ARHGAP42: variants seen among roughly 807,000 people sequenced by gnomAD.
ARHGAP42 encodes the protein Rho GTPase activating protein 42.
A neutral mutation model predicts 125.0 loss-of-function variants in ARHGAP42; 63 were observed. That is an observed-to-expected ratio of 0.50 (90% CI 0.41 to 0.62). ARHGAP42 has a LOEUF of 0.62. ARHGAP42 is among the 20% of genes least tolerant of loss of function. The probability of loss-of-function intolerance (pLI) is 0.00; values close to 1 mark genes in which losing one functional copy is unlikely to be tolerated. For missense variants in ARHGAP42, 766 were observed against 1,024.2 expected (o/e 0.75, Z 3.44); for synonymous variants, 339 against 351.0 (o/e 0.97, Z 0.38).
chr11:100,896,778 A>G (rs948645687), intron 4 of ARHGAP42, among the ~76,000 whole-genome samples: 1 of 152,032 alleles, frequency 6.6e-6, no homozygotes, highest in Non-Finnish European at 1.5e-5. Flanking sequence ...ATTTTCTTTC[A>G]TTCTGTAGGT....
chr11:100,876,033 T>A (rs1012077586), intron 4 of ARHGAP42, among the ~76,000 whole-genome samples: 13 of 152,018 alleles, frequency 8.6e-5, no homozygotes, highest in African/African-American at 1.2e-4. Flanking sequence ...ATAAAAAAAA[T>A]TTGCTCACCA....
chr11:100,801,612 G>A (rs932916280), intron 3 of ARHGAP42, among the ~76,000 whole-genome samples: 1 of 151,832 alleles, frequency 6.6e-6, no homozygotes, highest in Non-Finnish European at 1.5e-5. Flanking sequence ...GTTTTGTTTT[G>A]TTGTTTTTGT....
rs1284153052 is a variant in ARHGAP42 at position 100,943,837 on chromosome 11, C to T, written c.1012C>T (p.Arg338Ter). ...ACGAAAGACAGATTCAATTGACAAACGATTCTGCTTTGACATAGAAGTAGT... is the reference window on the plus strand; with the variant it reads ...ACGAAAGACAGATTCAATTGACAAATGATTCTGCTTTGACATAGAAGTAGT... Reference protein sequence around the residue: ...IRRKTDSIDKRFCFDIEVVER... With the variant: ...IRRKTDSIDK The change falls in exon 10 of 24, where the codon CGA (arginine) becomes TGA (stop). Residue 338 changes from arginine (R) to a stop codon, truncating the protein, a stop_gained. Coordinates refer to ENST00000298815, the MANE Select transcript of ARHGAP42 (RefSeq NM_152432.4). LOFTEE classifies it high-confidence loss of function. 1.9e-6 allele frequency: 3 copies of T among 1,548,908 alleles called. No homozygotes were observed. The highest frequency in any genetic ancestry group is 2.7e-5 in the African/African-American group (2 of 72,920).
At chr11:100,918,855 C>A (rs1591294590) in intron 5 of ARHGAP42, among the ~76,000 whole-genome samples, 1 of 152,114 alleles carries the variant, frequency 6.6e-6, no homozygotes, top group East Asian at 1.9e-4. Flanking sequence ...GCTTCTCATT[C>A]CCCTTTTTGG....
intron 3 of ARHGAP42, among the ~76,000 whole-genome samples, chr11:100,808,627 G>C (rs976931465): frequency 6.6e-6 from 1 of 150,904 alleles, no homozygotes; most frequent in Non-Finnish European, 1.5e-5. Flanking sequence ...GGATGGTCTC[G>C]ATCTCCTGAC....
chr11:100,886,147 G>C (rs1371409903), intron 4 of ARHGAP42, among the ~76,000 whole-genome samples: 3 of 152,176 alleles, frequency 2.0e-5, no homozygotes, highest in African/African-American at 7.2e-5. Flanking sequence ...GCAGTTCATA[G>C]CTATCTCTTT....
chr11:100,811,039 TC>T (rs200534149), intron 3 of ARHGAP42, among the ~76,000 whole-genome samples: 3,814 of 152,124 alleles, frequency 0.025, 69 homozygotes, highest in Non-Finnish European at 0.036. Flanking sequence ...CACCGCAACT[TC>T]CGCCTCCTGG....
At chr11:100,896,621 G>A (rs571236602) in intron 4 of ARHGAP42, among the ~76,000 whole-genome samples, 8 of 152,244 alleles carry the variant, frequency 5.3e-5, no homozygotes, top group Admixed American at 4.6e-4. Flanking sequence ...GTGTCTGTTG[G>A]CTGCATAAAT....
chr11:100,982,355 T>C (rs1307179194), intron 22 of ARHGAP42, among the ~76,000 whole-genome samples: 1 of 152,160 alleles, frequency 6.6e-6, no homozygotes, highest in African/African-American at 2.4e-5. Context: ...CCATAGACCT[T>C]ATAAACCACA....
intron 6 of ARHGAP42, among the ~76,000 whole-genome samples, chr11:100,924,908 A>G (rs1398979570): frequency 1.3e-5 from 2 of 151,636 alleles, no homozygotes; most frequent in Admixed American, 6.6e-5. Flanking sequence ...GCTCACTGCA[A>G]CCTCCACCTG....
chr11:100,795,908 A>G (rs1443027325), intron 3 of ARHGAP42, among the ~76,000 whole-genome samples: 1 of 152,176 alleles, frequency 6.6e-6, no homozygotes, highest in Non-Finnish European at 1.5e-5. Flanking sequence ...AGTGAGGGTT[A>G]CAGACTTATC....
chr11:100,958,387 G>A (rs941998339), intron 12 of ARHGAP42, among the ~76,000 whole-genome samples: 2 of 151,976 alleles, frequency 1.3e-5, no homozygotes, highest in Non-Finnish European at 2.9e-5. Context: ...TATTCACTGA[G>A]TTCTGTTCTT....
intron 4 of ARHGAP42, among the ~76,000 whole-genome samples, chr11:100,867,242 C>T (rs11224494): frequency 0.07 from 10,693 of 152,264 alleles, 519 homozygotes; most frequent in East Asian, 0.25. Flanking sequence ...TGTCCTTTGA[C>T]GCTTTGAAGC....
At chr11:100,732,016 GTGATCTCAGCTCAC>G (rs1861967894) in intron 1 of ARHGAP42, among the ~76,000 whole-genome samples, 1 of 150,444 alleles carries the variant, frequency 6.6e-6, no homozygotes, top group African/African-American at 2.5e-5. Context: ...GTGCAATGAC[GTGATCTCAGCTCAC>G]TGAGCTCAAC....
rs567076691 is a variant in ARHGAP42, at chr11:100,722,765, C to A, written c.154+34933C>A. On this transcript the variant is annotated intron_variant, in intron 1 of 23. Coordinates refer to ENST00000298815, the MANE Select transcript of ARHGAP42 (RefSeq NM_152432.4). ...AGTCTACAGCTTTTTATTCTCCCAA[C>A]AGTTTCTTTCACAGAACAGACATTT... is the stretch of plus-strand genomic sequence containing the variant. Among the ~76,000 whole-genome samples, 3 of 152,324 alleles carry A rather than the reference C, an allele frequency of 2.0e-5. No homozygotes were observed. In the South Asian group the frequency reaches 6.2e-4, roughly 32 times the overall value.
rs1858813915 is a variant in ARHGAP42, at chr11:100,990,878, C to T, written c.*2077C>T. On this transcript the variant is annotated 3_prime_UTR_variant, in exon 24 of 24. Transcript: ENST00000298815. ...AGAGAGATTCAGAATCCTACTTCTC[C>T]TGCTGCTGCATAAAGAATCTCAACC... 1 of 152,352 alleles carries T rather than the reference C, an allele frequency of 6.6e-6. No individual in the cohort carries two copies. Among genetic ancestry groups the T allele is most frequent in the African/African-American group, 2.4e-5 (1 of 41,474 alleles). The allele number at this position is 152,352 out of a possible 1,614,324, so 9.4% of individuals were successfully genotyped here. A position where few individuals can be genotyped will look rare whatever the true frequency, so the allele number is the denominator to read the frequency against.
intron 3 of ARHGAP42, among the ~76,000 whole-genome samples, chr11:100,855,180 T>A (rs1865296877): frequency 6.6e-6 from 1 of 152,168 alleles, no homozygotes; most frequent in African/African-American, 2.4e-5. Context: ...TAAATAGTAC[T>A]TGAGAATATA....
At chr11:100,973,067 C>T (rs750808788) in intron 17 of ARHGAP42, 108 bp from the exon 18 acceptor site, 15 of 1,009,756 alleles carry the variant, frequency 1.5e-5, no homozygotes, top group Non-Finnish European at 2.0e-5. Context: ...GACAATTTCC[C>T]TATAATGGCA....
intron 6 of ARHGAP42, among the ~76,000 whole-genome samples, chr11:100,929,977 G>A (rs547814216): frequency 1.3e-5 from 2 of 152,278 alleles, no homozygotes; most frequent in Non-Finnish European, 1.5e-5. Context: ...TATGGTATCA[G>A]TTTTTCCAAC....
Sources: allele counts gnomAD v4.1 joint callset (sites outside exome capture counted in the v4.1 genomes callset), GRCh38; gene constraint gnomAD v4.1.1; transcripts MANE v1.5; gene names NCBI Gene and HGNC (gene_info 2026-07-23, HGNC 2026-07-21).